Variants in REDIC1 observed in about 807,000 individuals in gnomAD.
REDIC1 encodes HEI10 Interacting Protein 1.
the REDIC1 span, among the ~76,000 whole-genome samples, chr12:39,830,670 T>G: frequency 1.4e-5 from 2 of 146,906 alleles, no homozygotes; most frequent in African/African-American, 2.4e-5. Context: ...ATGAAAATAG[T>G]TTTTTTTTCT....
the REDIC1 span, among the ~76,000 whole-genome samples, chr12:39,806,025 A>T: frequency 6.6e-6 from 1 of 152,200 alleles, no homozygotes; most frequent in Non-Finnish European, 1.5e-5. Flanking sequence ...TCTGATATTG[A>T]TTGCTACCAG....
the REDIC1 span, among the ~76,000 whole-genome samples, chr12:39,812,734 A>T: frequency 8.1e-4 from 120 of 147,826 alleles, no homozygotes; most frequent in South Asian, 0.02. Flanking sequence ...AGCCTCCCAA[A>T]CTGCTGGGAT....
At chr12:39,862,056 G>C in the REDIC1 span, among the ~76,000 whole-genome samples, 3 of 152,156 alleles carry the variant, frequency 2.0e-5, no homozygotes, top group Admixed American at 2.0e-4. Flanking sequence ...ACAGGCGCCA[G>C]TGTGTGTAGT....
the REDIC1 span, among the ~76,000 whole-genome samples, chr12:39,698,865 C>G: frequency 2.6e-5 from 4 of 152,054 alleles, no homozygotes; most frequent in African/African-American, 9.7e-5. Flanking sequence ...GTTCGTAGCT[C>G]TAAAAGTCTA....
the REDIC1 span, among the ~76,000 whole-genome samples, chr12:39,776,347 A>G: frequency 6.6e-6 from 1 of 152,132 alleles, no homozygotes; most frequent in Non-Finnish European, 1.5e-5. Context: ...ACCAAGCACA[A>G]GTGGTAGTGC....
chr12:39,698,274 T>C, the REDIC1 span, among the ~76,000 whole-genome samples: 1 of 151,392 alleles, frequency 6.6e-6, no homozygotes, highest in Non-Finnish European at 1.5e-5. Flanking sequence ...ATGAAGGGGG[T>C]CAATTCAGAA....
the REDIC1 span, among the ~76,000 whole-genome samples, chr12:39,882,441 T>C: frequency 1.3e-5 from 2 of 152,216 alleles, no homozygotes; most frequent in Non-Finnish European, 2.9e-5. Context: ...AAATTCCAAC[T>C]CTACCTATAT....
the REDIC1 span, chr12:39,756,092 C>T: frequency 6.6e-6 from 1 of 151,952 alleles, no homozygotes; most frequent in Admixed American, 6.6e-5. Flanking sequence ...TGAACCATTT[C>T]ATCAAATTGG....
chr12:39,769,580 G>A, the REDIC1 span, among the ~76,000 whole-genome samples: 1 of 151,888 alleles, frequency 6.6e-6, no homozygotes, highest in Admixed American at 6.6e-5. Context: ...GGTGGTACAA[G>A]TCTGTCACCC....
chr12:39,682,574 G>T, the REDIC1 span: 10 of 1,442,972 alleles, frequency 6.9e-6, no homozygotes, highest in Non-Finnish European at 9.3e-6. Context: ...AATAATCCAT[G>T]CTTTTCTTGC....
chr12:39,767,816 A>G, the REDIC1 span, among the ~76,000 whole-genome samples: 1 of 152,064 alleles, frequency 6.6e-6, no homozygotes, highest in Non-Finnish European at 1.5e-5. Context: ...TGAAGGTTTT[A>G]TAATGGGCTT....
chr12:39,879,134 T>C, the REDIC1 span, among the ~76,000 whole-genome samples: 1 of 152,258 alleles, frequency 6.6e-6, no homozygotes, highest in Non-Finnish European at 1.5e-5. Flanking sequence ...AAGTGAAGAA[T>C]GCTTGGCAGC....
At chr12:39,697,922 A>G in the REDIC1 span, among the ~76,000 whole-genome samples, 1 of 152,220 alleles carries the variant, frequency 6.6e-6, no homozygotes, top group Admixed American at 6.5e-5. Flanking sequence ...AATGACTTTG[A>G]CTGTCAATGG....
the REDIC1 span, among the ~76,000 whole-genome samples, chr12:39,842,315 A>G: frequency 4.6e-3 from 704 of 152,204 alleles, 11 homozygotes; most frequent in African/African-American, 0.016. Flanking sequence ...TTCCTGTTTC[A>G]CAGATGAAGA....
chr12:39,688,916 T>C, the REDIC1 span, among the ~76,000 whole-genome samples: 1 of 152,124 alleles, frequency 6.6e-6, no homozygotes, highest in Non-Finnish European at 1.5e-5. Flanking sequence ...ATTGAAACCA[T>C]AGGAGGAGGT....
At chr12:39,848,839 C>A in the REDIC1 span, among the ~76,000 whole-genome samples, 3 of 152,066 alleles carry the variant, frequency 2.0e-5, no homozygotes, top group Non-Finnish European at 4.4e-5. Context: ...TATTATGCAT[C>A]CATAAAAAAG....
At chr12:39,903,861 C>T in the REDIC1 span, among the ~76,000 whole-genome samples, 1 of 152,040 alleles carries the variant, frequency 6.6e-6, no homozygotes, top group African/African-American at 2.4e-5. Context: ...TGAGTGGCCT[C>T]TTATATTTAC....
chr12:39,905,816 T>G, the REDIC1 span, among the ~76,000 whole-genome samples: 1 of 61,460 alleles, frequency 1.6e-5, no homozygotes, highest in Non-Finnish European at 3.0e-5. Context: ...TTTATTAAAA[T>G]GCCCAGAAAA....
chr12:39,906,868 T>C, the REDIC1 span, among the ~76,000 whole-genome samples: 1 of 152,118 alleles, frequency 6.6e-6, no homozygotes, highest in Non-Finnish European at 1.5e-5. Context: ...GGCAAAACAA[T>C]TATGAGGGAA....
Sources: gnomAD v4.1 joint callset for allele counts (sites outside exome capture counted in the v4.1 genomes callset) on GRCh38, gnomAD v4.1.1 for gene constraint, MANE v1.5 for transcripts, NCBI Gene and HGNC (gene_info 2026-07-23, HGNC 2026-07-21) for gene names.